The following SLIT2 variants were observed in gnomAD, a reference collection of about 807,000 sequenced individuals.
The protein encoded by SLIT2 is slit guidance ligand 2.
In SLIT2, 41 loss-of-function variants were observed where a neutral mutation model predicts 185.7. The ratio of observed to expected loss-of-function variants is 0.22; its 90% CI spans 0.17 to 0.29. SLIT2 has a LOEUF of 0.29. Ranked by LOEUF, SLIT2 falls within the 10% of genes least tolerant of loss-of-function variation. The pLI is 1.00. For missense variants in SLIT2, 1,571 were observed against 1,909.0 expected, an observed-to-expected ratio of 0.82 and a Z score of 3.30; for synonymous variants, 693 against 680.2, an observed-to-expected ratio of 1.02 and a Z score of -0.29.
At chr4:20,292,293 G>A (rs1378959468) in intron 4 of SLIT2, among the ~76,000 whole-genome samples, 29 of 152,108 alleles carry the variant, frequency 1.9e-4, no homozygotes, top group East Asian at 1.9e-4. Context: ...GATTAGAATC[G>A]TTGCAGCCAT....
chr4:20,519,992 C>T (rs934468341), intron 12 of SLIT2, among the ~76,000 whole-genome samples: 3 of 145,840 alleles, frequency 2.1e-5, no homozygotes, highest in Non-Finnish European at 3.0e-5. Flanking sequence ...AGAGATCGCG[C>T]CACTGCACTC....
At chr4:20,430,757 C>A (rs964501710) in intron 4 of SLIT2, among the ~76,000 whole-genome samples, 1 of 152,216 alleles carries the variant, frequency 6.6e-6, no homozygotes, top group Admixed American at 6.5e-5. Context: ...ATTCTCATTA[C>A]AGTTTACTGC....
At chr4:20,360,891 G>A (rs562790983) in intron 4 of SLIT2, among the ~76,000 whole-genome samples, 4 of 152,218 alleles carry the variant, frequency 2.6e-5, no homozygotes, top group East Asian at 1.9e-4. Flanking sequence ...AAGTCAACCT[G>A]TGACTTACCC....
intron 3 of SLIT2, among the ~76,000 whole-genome samples, chr4:20,258,930 G>T (rs572770011): frequency 3.3e-4 from 50 of 151,766 alleles, no homozygotes; most frequent in African/African-American, 1.2e-3. Context: ...CTGGGCAAAA[G>T]GGCAGAAGTT....
At chr4:20,475,390 G>T (rs1468845855) in intron 5 of SLIT2, among the ~76,000 whole-genome samples, 5 of 147,562 alleles carry the variant, frequency 3.4e-5, no homozygotes, top group African/African-American at 5.0e-5. Context: ...ACATTCTATA[G>T]TGCTTTTCAT....
chr4:20,469,696 T>C (rs887176711), intron 5 of SLIT2, among the ~76,000 whole-genome samples: 3 of 151,838 alleles, frequency 2.0e-5, no homozygotes, highest in Non-Finnish European at 4.4e-5. Context: ...TTTTGTTATT[T>C]TTTGGACTTG....
intron 8 of SLIT2, among the ~76,000 whole-genome samples, chr4:20,491,487 A>T (rs755037915): frequency 9.2e-5 from 14 of 152,192 alleles, no homozygotes; most frequent in Admixed American, 5.9e-4. Context: ...TCTGATTTTA[A>T]AACTGAATTT....
intron 16 of SLIT2, among the ~76,000 whole-genome samples, chr4:20,530,694 T>C (rs1019176726): frequency 2.0e-5 from 3 of 152,150 alleles, no homozygotes; most frequent in African/African-American, 7.2e-5. Context: ...TTTTTAATTA[T>C]ATAATAAAAT....
intron 4 of SLIT2, among the ~76,000 whole-genome samples, chr4:20,319,522 G>A (rs958705941): frequency 6.6e-6 from 1 of 151,944 alleles, no homozygotes; most frequent in Non-Finnish European, 1.5e-5. Context: ...GAAAAAAATG[G>A]CAGTGTAACA....
At position 20,528,845 on chromosome 4, in the gene SLIT2, C is replaced by A; in HGVS notation, c.1463-104C>A. 3.5e-6 allele frequency: 3 copies of A among 869,300 alleles called. No individual in the cohort carries two copies. Among genetic ancestry groups the A allele is most frequent in the Non-Finnish European group, 5.2e-6 (3 of 581,496 alleles). 53.8% of individuals were successfully genotyped at this position (869,300 alleles called of 1,614,324 possible). On this transcript the variant is annotated intron_variant, in intron 15 of 36. Transcript: ENST00000504154. The surrounding 1 kb of genome is among the most constrained non-coding windows in gnomAD (Gnocchi z 4.2). ...TGACCAAAATACCCCAAGTTGTCTC[C>A]CTGCTACATAATCTATAGTTATCTT...
chr4:20,253,543 C>T lies in SLIT2; in HGVS notation c.-273C>T, dbSNP rs532410613. 107 of 514,706 alleles carry T rather than the reference C, an allele frequency of 2.1e-4. 1 individual carries two copies. Among genetic ancestry groups the T allele is most frequent in the Non-Finnish European group, 5.9e-5 (17 of 287,694 alleles). The allele number at this position is 514,706 out of a possible 1,614,324, so 31.9% of individuals were successfully genotyped here. ...ATCTCCTCTCCGCTGCTCTTGGGGT[C>T]TCCTTGCAGCCCTGGCCAGGCGGAT... On this transcript the variant is annotated 5_prime_UTR_variant, in exon 1 of 37. Transcript: ENST00000504154.
intron 4 of SLIT2, among the ~76,000 whole-genome samples, chr4:20,428,476 C>T (rs945776800): frequency 2.6e-5 from 4 of 152,156 alleles, no homozygotes; most frequent in East Asian, 1.9e-4. Flanking sequence ...ACTAAGAAAA[C>T]GTAGTTGTAT....
chr4:20,518,175 TTA>T lies in SLIT2; in HGVS notation c.1059-1198_1059-1197del, dbSNP rs1211225214. On this transcript the variant is annotated intron_variant, in intron 11 of 36. Transcript: ENST00000504154. ...TACATATACATACATATACATATAT[TTA>T]TATATATACATATACATACATATAC... is the stretch of plus-strand genomic sequence containing the variant. Among the ~76,000 whole-genome samples the T allele has an allele frequency of 7.8e-5, 11 of 141,888 alleles. 1 individual carries two copies. Among genetic ancestry groups the T allele is most frequent in the African/African-American group, 2.3e-4 (9 of 39,160 alleles). 93.1% of individuals were successfully genotyped at this position (141,888 alleles called of 152,430 possible). A position where few individuals can be genotyped will look rare whatever the true frequency, so the allele number is the denominator to read the frequency against.
chr4:20,526,742 A>G (rs1721329429), intron 15 of SLIT2, among the ~76,000 whole-genome samples: 1 of 152,198 alleles, frequency 6.6e-6, no homozygotes, highest in South Asian at 2.1e-4. Context: ...TGATAATTTA[A>G]TTTACATTCT....
intron 4 of SLIT2, among the ~76,000 whole-genome samples, chr4:20,376,182 A>T (rs2109330511): frequency 8.6e-6 from 1 of 115,892 alleles, no homozygotes; most frequent in East Asian, 2.6e-4. Context: ...AGACACCTGG[A>T]TTCTTCTCTC....
intron 12 of SLIT2, among the ~76,000 whole-genome samples, chr4:20,522,841 G>T (rs1346789550): frequency 2.0e-5 from 3 of 152,140 alleles, no homozygotes; most frequent in Non-Finnish European, 2.9e-5. Flanking sequence ...GTATGTGCTG[G>T]GCAGTCTGGG....
intron 26 of SLIT2, among the ~76,000 whole-genome samples, chr4:20,559,978 C>A (rs1724566673): frequency 6.6e-6 from 1 of 151,844 alleles, no homozygotes; most frequent in Non-Finnish European, 1.5e-5. Flanking sequence ...GTATTTTAAT[C>A]TATTAATTAA....
In SLIT2 at chr4:20,252,014, C is replaced by CGGCGGAGGCGGA. The variant is rs1258720728; in HGVS notation, c.-1798_-1787dup. 6.6e-6 allele frequency among the ~76,000 whole-genome samples: 1 copy of CGGCGGAGGCGGA among 151,956 alleles called. No homozygotes were observed. The highest frequency in any genetic ancestry group is 1.5e-5 in the Non-Finnish European group (1 of 67,984). ...AAAAAGAAGGCGGCGGCGGCGGCGG[C>CGGCGGAGGCGGA]GGCGGAGGCGGAGGCAGCTGCGAGG... On this transcript the variant is annotated 5_prime_UTR_variant, in exon 1 of 37. Transcript: ENST00000504154.
chr4:20,543,782 T>C (rs1723020568), intron 21 of SLIT2, among the ~76,000 whole-genome samples: 2 of 152,206 alleles, frequency 1.3e-5, no homozygotes, highest in Admixed American at 6.6e-5. Context: ...ACACGGCTCT[T>C]AGATTTGAAC....
Sources: gnomAD v4.1 joint callset for allele counts (sites outside exome capture counted in the v4.1 genomes callset) on GRCh38, gnomAD v4.1.1 for gene constraint, Gnocchi (gnomAD v3.1) non-coding constraint, MANE v1.5 for transcripts, NCBI Gene and HGNC (gene_info 2026-07-23, HGNC 2026-07-21) for gene names.